The following LIMCH1 variants were observed in gnomAD, a reference collection of about 807,000 sequenced individuals.
LIMCH1 encodes the protein LIM and calponin homology domains 1, also known as LIM and calponin homology domains-containing protein 1.
LIMCH1 carries 113 observed loss-of-function variants against 176.5 expected under a neutral mutation model. The ratio of observed to expected loss-of-function variants is 0.64; its 90% CI spans 0.55 to 0.75. The LOEUF is 0.75. Among genes scored for constraint, LIMCH1 ranks in the 30% least tolerant of loss-of-function variants. LIMCH1 has a pLI of 0.00. For missense variants in LIMCH1, 1,674 were observed against 1,814.9 expected, an observed-to-expected ratio of 0.92 and a Z score of 1.41; for synonymous variants, 619 against 645.9, an observed-to-expected ratio of 0.96 and a Z score of 0.63.
intron 31 of LIMCH1, among the ~76,000 whole-genome samples, chr4:41,696,562 T>A (rs1730813150): frequency 6.6e-6 from 1 of 152,196 alleles, no homozygotes; most frequent in Non-Finnish European, 1.5e-5. Flanking sequence ...ATTTTTTAAG[T>A]CTGTGTATGT....
rs1183998016 is a variant in LIMCH1 at position 41,699,894 on chromosome 4, C to T, written c.*2709C>T. 6.6e-6 allele frequency: 1 copy of T among 151,938 alleles called. No individual in the cohort carries two copies. The highest frequency in any genetic ancestry group is 2.1e-4 in the South Asian group (1 of 4,792). The allele number at this position is 151,938 out of a possible 1,614,324, so 9.4% of individuals were successfully genotyped here. On this transcript the variant is annotated 3_prime_UTR_variant, in exon 32 of 32. Transcript: ENST00000503057. ...AAAAGATGTTACTGCTCTGGGTGGG[C>T]CAGTGTTCTATATCGGTTATACTAA...
chr4:41,646,758 C>A lies in LIMCH1; in HGVS notation c.2685C>A (p.Ala895=). 3.1e-6 allele frequency: 5 copies of A among 1,614,180 alleles called. No homozygotes were observed. Among genetic ancestry groups the A allele is most frequent in the Non-Finnish European group, 4.2e-6 (5 of 1,180,036 alleles). The change falls in exon 17 of 32, where the codon GCC becomes GCA. Residue 895 remains alanine (A), a synonymous_variant. Coordinates refer to ENST00000503057, the MANE Select transcript of LIMCH1 (RefSeq NM_001330672.2). ...TATVETTIAR[A]SVLDTSMSAG... The stretch of plus-strand genomic sequence containing the variant: ...CTGTTGAAACCACCATTGCTCGTGC[C>A]AGTGTTCTGGATACCAGCATGTCAG...
intron 1 of LIMCH1, among the ~76,000 whole-genome samples, chr4:41,400,719 G>T (rs995070975): frequency 2.6e-5 from 4 of 152,088 alleles, no homozygotes; most frequent in Admixed American, 1.3e-4. Context: ...AAAACAAACT[G>T]GAAGGTACAG....
rs925258645 is a variant in LIMCH1 at position 41,613,544 on chromosome 4, G to A, written c.88G>A (p.Asp30Asn). ...CGACTGCTGGGATTCCGAGCGCAGC[G>A]ACTCCCTCTCTCCTCCTCGCCACGG... ...YIDCWDSERSDSLSPPRHGRD... is the reference protein window; with the variant it reads ...YIDCWDSERSNSLSPPRHGRD... The change falls in exon 5 of 32, where the codon GAC (aspartate) becomes AAC (asparagine). Residue 30 changes from aspartate (D) to asparagine (N), a missense_variant. Coordinates refer to ENST00000503057, the MANE Select transcript of LIMCH1 (RefSeq NM_001330672.2). The A allele has an allele frequency of 2.4e-5, 39 of 1,613,928 alleles. No individual in the cohort carries two copies. The highest frequency in any genetic ancestry group is 3.1e-5 in the Non-Finnish European group (36 of 1,179,992).
chr4:41,380,110 T>C (rs546221413), intron 1 of LIMCH1, among the ~76,000 whole-genome samples: 2 of 152,246 alleles, frequency 1.3e-5, no homozygotes, highest in East Asian at 3.9e-4. Context: ...CAGCCAGGTC[T>C]AGTATTTTAA....
chr4:41,555,455 A>G (rs569097332), intron 1 of LIMCH1, among the ~76,000 whole-genome samples: 2 of 152,286 alleles, frequency 1.3e-5, no homozygotes, highest in African/African-American at 2.4e-5. Context: ...CCCTGACTCT[A>G]AAGCTGGGGT....
chr4:41,655,052 G>A (rs2094425416), intron 18 of LIMCH1, among the ~76,000 whole-genome samples: 1 of 152,090 alleles, frequency 6.6e-6, no homozygotes, highest in Non-Finnish European at 1.5e-5. Context: ...TATATCCTAT[G>A]TTTAGTGGCC....
chr4:41,628,161 G>T (rs1585044014), intron 8 of LIMCH1, among the ~76,000 whole-genome samples: 1 of 152,178 alleles, frequency 6.6e-6, no homozygotes, highest in Non-Finnish European at 1.5e-5. Flanking sequence ...GGCCTTGTGG[G>T]AGGGATCAGT....
intron 17 of LIMCH1, 39 bp from the exon 18 acceptor site, chr4:41,650,354 T>C (rs748642683): frequency 1.4e-6 from 2 of 1,412,144 alleles, no homozygotes; most frequent in Non-Finnish European, 2.0e-6. Flanking sequence ...TTGATTGGGG[T>C]ATATATAGCA....
intron 2 of LIMCH1, among the ~76,000 whole-genome samples, chr4:41,511,366 C>T (rs1047613879): frequency 6.6e-6 from 1 of 152,222 alleles, no homozygotes; most frequent in Non-Finnish European, 1.5e-5. Flanking sequence ...CACAACATCC[C>T]CAGTGCTGCA....
rs1295857807 is a variant in LIMCH1 at position 41,633,697 on chromosome 4, G to A, written c.1979G>A (p.Gly660Glu). The A allele has an allele frequency of 5.9e-6, 9 of 1,536,044 alleles. No individual in the cohort carries two copies. In the East Asian group the frequency reaches 2.2e-4, roughly 38 times the overall value. ...GATGACATGATGGCCAGGAGAACTG[G>A]GATGTCCCTTAGACACACTGGATCC... The part of the protein sequence containing the change: ...RKDDMMARRT[G>E]MSLRHTGSNP... Residue 660 changes from glycine to glutamate, a missense_variant, in exon 13 of 32, where the codon GGG (glycine) becomes GAG (glutamate). Around this residue, in one of 3 missense-constraint regions of LIMCH1, gnomAD observed 1,015 missense variants for 1,102.5 expected, o/e 0.92. Coordinates refer to ENST00000503057, the MANE Select transcript of LIMCH1 (RefSeq NM_001330672.2).
chr4:41,502,198 T>C (rs2073426117), intron 2 of LIMCH1, among the ~76,000 whole-genome samples: 1 of 152,068 alleles, frequency 6.6e-6, no homozygotes, highest in South Asian at 2.1e-4. Context: ...TGTTGAGGAT[T>C]ATGGCTTCCA....
chr4:41,678,421 G>A (rs995834233), intron 23 of LIMCH1, among the ~76,000 whole-genome samples: 5 of 152,006 alleles, frequency 3.3e-5, no homozygotes, highest in African/African-American at 4.8e-5. Flanking sequence ...TCAAAATCTG[G>A]GGGCTACTGG....
chr4:41,503,004 TCCATCCATCCATCC>T (rs1420281393), intron 2 of LIMCH1, among the ~76,000 whole-genome samples: 43 of 147,228 alleles, frequency 2.9e-4, no homozygotes, highest in Non-Finnish European at 5.4e-4. Context: ...TGTCTGTCCA[TCCATCCATCCATCC>T]ATCCATCCAT....
intron 8 of LIMCH1, among the ~76,000 whole-genome samples, chr4:41,628,114 T>G (rs191085653): frequency 8.4e-4 from 128 of 152,328 alleles, no homozygotes; most frequent in Non-Finnish European, 1.5e-3. Context: ...TCTTTGCCAT[T>G]GCTGTTGGCA....
chr4:41,536,379 G>A (rs1292568114), upstream of LIMCH1, among the ~76,000 whole-genome samples: 5 of 152,130 alleles, frequency 3.3e-5, no homozygotes, highest in East Asian at 9.6e-4. Context: ...CTTTCTGCTA[G>A]AATGTTAGGT....
chr4:41,367,684 CA>C (rs35832745), intron 1 of LIMCH1, among the ~76,000 whole-genome samples: 30,002 of 96,420 alleles, frequency 0.31, 5,606 homozygotes, highest in Middle Eastern at 0.46. Context: ...ACTAAAAATC[CA>C]AAAAAAAAAA....
At chr4:41,523,215 G>C (rs1211725094) in intron 2 of LIMCH1, among the ~76,000 whole-genome samples, 1 of 152,240 alleles carries the variant, frequency 6.6e-6, no homozygotes, top group South Asian at 2.1e-4. Context: ...TTTATAATTT[G>C]TTATAACCTT....
chr4:41,433,790 A>C (rs1177248654), intron 1 of LIMCH1, among the ~76,000 whole-genome samples: 1 of 152,018 alleles, frequency 6.6e-6, no homozygotes, highest in Non-Finnish European at 1.5e-5. Flanking sequence ...AGGAAGCCCT[A>C]GAGTCAGTCC....
Sources: allele counts gnomAD v4.1 joint callset (sites outside exome capture counted in the v4.1 genomes callset), GRCh38; gene constraint gnomAD v4.1.1; regional missense constraint gnomAD v4.1.1; transcripts MANE v1.5; gene names NCBI Gene and HGNC (gene_info 2026-07-23, HGNC 2026-07-21).